The following DMD variants were observed in gnomAD, a reference collection of about 807,000 sequenced individuals.
DMD encodes the protein dystrophin, also known as mutant dystrophin.
In DMD, 63 loss-of-function variants were observed where a neutral mutation model predicts 330.1. The observed-to-expected ratio is 0.19, with a 90% confidence interval of 0.16 to 0.24. DMD has a LOEUF of 0.24. Ranked by LOEUF, DMD falls within the 10% of genes least tolerant of loss-of-function variation. DMD has a pLI of 1.00. For synonymous variants in DMD, 1,223 were observed against 959.8 expected (o/e 1.27, Z -5.07); for missense variants, 3,344 against 2,684.1 (o/e 1.25, Z -5.43).
chrX:32,773,239 A>G (rs2073811079), intron 7 of DMD, among the ~76,000 whole-genome samples: 1 of 111,579 alleles, frequency 9.0e-6, no homozygotes, highest in Admixed American at 9.5e-5. Context: ...GAAATGTCCA[A>G]TTATTAGATG....
intron 25 of DMD, among the ~76,000 whole-genome samples, chrX:32,461,294 T>G (rs2098382525): frequency 9.0e-6 from 1 of 111,521 alleles, no homozygotes; most frequent in Non-Finnish European, 1.9e-5. Context: ...CACATATGGC[T>G]TCCTTGTTTT....
chrX:32,037,886 T>C (rs1603622751), intron 44 of DMD, among the ~76,000 whole-genome samples: 2 of 112,082 alleles, frequency 1.8e-5, no homozygotes, highest in Middle Eastern at 9.2e-3. Flanking sequence ...ATAGCAATTT[T>C]AGAAATAACC....
intron 1 of DMD, among the ~76,000 whole-genome samples, chrX:33,034,766 G>A (rs994890563): frequency 3.6e-5 from 4 of 111,897 alleles, no homozygotes; most frequent in East Asian, 2.8e-4. Context: ...CAGTTTTGCC[G>A]CTTACTGGCT....
At chrX:32,881,025 G>C (rs1159284202) in intron 2 of DMD, among the ~76,000 whole-genome samples, 2 of 112,748 alleles carry the variant, frequency 1.8e-5, no homozygotes, top group African/African-American at 6.4e-5. Flanking sequence ...TTTTTAAAAA[G>C]CTAAAAATCT....
chrX:31,178,594 G>A (rs985813727), intron 70 of DMD, 75 bp downstream of exon 70: 4 of 1,135,623 alleles, frequency 3.5e-6, no homozygotes, highest in Admixed American at 2.4e-5. Context: ...ATTTGGGAGT[G>A]AAGGAGGGTG....
At chrX:31,163,416 T>A (rs1249719756) in intron 74 of DMD, among the ~76,000 whole-genome samples, 1 of 111,480 alleles carries the variant, frequency 9.0e-6, no homozygotes. Flanking sequence ...GAACTGTGAG[T>A]CCATTAAACC....
At chrX:31,594,271 G>GC (rs954736722) in intron 55 of DMD, among the ~76,000 whole-genome samples, 9 of 109,122 alleles carry the variant, frequency 8.2e-5, no homozygotes, top group African/African-American at 3.0e-4. Flanking sequence ...AATATCCCCC[G>GC]CCCCCCATTT....
chrX:32,114,647 T>TA (rs1307437349), intron 44 of DMD, among the ~76,000 whole-genome samples: 1 of 111,914 alleles, frequency 8.9e-6, no homozygotes, highest in Admixed American at 9.5e-5. Context: ...AGCTGGGTCT[T>TA]ACGCTCTGTT....
intron 30 of DMD, among the ~76,000 whole-genome samples, chrX:32,401,300 G>A (rs942814355): frequency 5.1e-4 from 55 of 108,493 alleles, no homozygotes; most frequent in Admixed American, 1.7e-3. Flanking sequence ...CCTGCACAAT[G>A]TGCACATGTA....
intron 1 of DMD, among the ~76,000 whole-genome samples, chrX:33,315,389 T>G (rs1368427626): frequency 8.9e-6 from 1 of 112,187 alleles, no homozygotes; most frequent in Non-Finnish European, 1.9e-5. Flanking sequence ...CTGTATCAGT[T>G]TGAACTCTGG....
intron 55 of DMD, among the ~76,000 whole-genome samples, chrX:31,561,266 C>T: frequency 8.9e-6 from 1 of 112,203 alleles, no homozygotes; most frequent in Non-Finnish European, 1.9e-5. Context: ...AGCTGCCACA[C>T]TCTCCCAAAA....
chrX:31,369,798 C>T (rs927722436), intron 60 of DMD, among the ~76,000 whole-genome samples: 1 of 111,274 alleles, frequency 9.0e-6, no homozygotes, highest in Non-Finnish European at 1.9e-5. Context: ...AATTGAACAT[C>T]CATATGCAAA....
At chrX:31,951,124 T>TAC (rs1569521164) in intron 45 of DMD, among the ~76,000 whole-genome samples, 1 of 65,537 alleles carries the variant, frequency 1.5e-5, no homozygotes, top group African/African-American at 7.2e-5. Context: ...TATATATACA[T>TAC]ATATATATAT....
chrX:32,451,878 T>C (rs1411318163), intron 26 of DMD, among the ~76,000 whole-genome samples: 1 of 110,830 alleles, frequency 9.0e-6, no homozygotes, highest in East Asian at 2.8e-4. Context: ...GCCAGAGGCT[T>C]CCAGAGTTTA....
intron 37 of DMD, among the ~76,000 whole-genome samples, chrX:32,349,245 A>G (rs773474639): frequency 9.8e-5 from 11 of 111,754 alleles, no homozygotes; most frequent in African/African-American, 3.6e-4. Flanking sequence ...AAAAGGAGTG[A>G]TAAGTGAAAA....
chrX:31,553,469 A>AAACG (rs2074616197), intron 55 of DMD, among the ~76,000 whole-genome samples: 1 of 112,319 alleles, frequency 8.9e-6, no homozygotes, highest in African/African-American at 3.2e-5. Context: ...GGCAAAGACC[A>AAACG]CAATTACTTT....
At chrX:31,644,652 A>G (rs1269988510) in intron 54 of DMD, among the ~76,000 whole-genome samples, 1 of 112,057 alleles carries the variant, frequency 8.9e-6, no homozygotes, top group African/African-American at 3.2e-5. Context: ...CTGTCCTACC[A>G]TTATCAATTA....
chrX:33,040,337 G>T (rs778947874), intron 1 of DMD, among the ~76,000 whole-genome samples: 3 of 110,893 alleles, frequency 2.7e-5, no homozygotes, highest in African/African-American at 9.8e-5. Flanking sequence ...GGACCCGCCT[G>T]TTCAGAGGGG....
In DMD at chrX:32,546,502, C is replaced by A. The variant is rs751205232; in HGVS notation, c.1993-1168G>T. 2.2e-4 allele frequency among the ~76,000 whole-genome samples: 25 copies of A among 111,116 alleles called. No individual in the cohort carries two copies. In the East Asian group the frequency reaches 7.1e-3, roughly 31 times the overall value. ...TTTCATGTGAGGAAATGGGAAAAGC[C>A]TCAGGATCTTCTTATTTCAGCTTCC... is the stretch of plus-strand genomic sequence containing the variant. On this transcript the variant is annotated intron_variant, in intron 16 of 78. Transcript: ENST00000357033.
Sources: gnomAD v4.1 joint callset for allele counts (sites outside exome capture counted in the v4.1 genomes callset) on GRCh38, gnomAD v4.1.1 for gene constraint, MANE v1.5 for transcripts, NCBI Gene and HGNC (gene_info 2026-07-23, HGNC 2026-07-21) for gene names.